ATL1: variants seen among roughly 807,000 people sequenced by gnomAD.
ATL1 encodes the protein atlastin-1.
A neutral mutation model predicts 75.5 loss-of-function variants in ATL1; 31 were observed. The observed-to-expected ratio is 0.41, with a 90% CI of 0.31 to 0.55. The LOEUF is 0.55. ATL1 is among the 20% of genes least tolerant of loss of function. The pLI is 0.27. For synonymous variants in ATL1, 226 were observed against 233.3 expected (o/e 0.97, Z 0.28); for missense variants, 405 against 662.6 (o/e 0.61, Z 4.27).
chr14:50,628,374 T>C lies in ATL1; in HGVS notation c.1463T>C (p.Leu488Pro). The C allele has an allele frequency of 6.2e-7, 1 of 1,614,174 alleles. No homozygotes were observed. Among genetic ancestry groups the C allele is most frequent in the Non-Finnish European group, 8.5e-7 (1 of 1,180,016 alleles). ...NMIMGLTLIT[L>P]CTWAYIRYSG... is the part of the protein sequence containing the mutation. The stretch of plus-strand genomic sequence containing the variant: ...ATAATGGGACTGACCCTTATCACCC[T>C]GTGCACTTGGGCATATATCCGGTAC... Residue 488 changes from leucine (L) to proline (P), a missense_variant, in exon 12 of 14, where the codon CTG (leucine) becomes CCG (proline). Physicochemically the swap from Leu to Pro is moderately conservative, Grantham distance 98 (BLOSUM62 -3). Around this residue, in one of 5 missense-constraint regions of ATL1, gnomAD observed 163 missense variants for 244.1 expected, o/e 0.67. Transcript: ENST00000358385.
chr14:50,558,676 C>T (rs998988113), upstream of ATL1, among the ~76,000 whole-genome samples: 1 of 152,048 alleles, frequency 6.6e-6, no homozygotes, highest in Non-Finnish European at 1.5e-5. Context: ...CTATTGTACT[C>T]TTAAAAATGG....
At chr14:50,536,053 C>T (rs1025630699) in intron 1 of ATL1, among the ~76,000 whole-genome samples, 1 of 152,230 alleles carries the variant, frequency 6.6e-6, no homozygotes, top group African/African-American at 2.4e-5. Flanking sequence ...TGTGAGGCTT[C>T]GCAGCCACAT....
intron 7 of ATL1, among the ~76,000 whole-genome samples, chr14:50,613,589 T>G (rs183818889): frequency 1.3e-4 from 20 of 152,352 alleles, no homozygotes; most frequent in Admixed American, 3.9e-4. Context: ...AATATCAAGA[T>G]TCAGGTTTTA....
At chr14:50,629,902 C>T (rs796952643) in intron 12 of ATL1, 93 bp from the exon 13 acceptor site, 1 of 956,294 alleles carries the variant, frequency 1.0e-6, no homozygotes, top group Non-Finnish European at 1.6e-6. Flanking sequence ...GAAATGCTCA[C>T]AAATTAATAT....
intron 1 of ATL1, among the ~76,000 whole-genome samples, chr14:50,542,850 A>G (rs957155042): frequency 6.6e-6 from 1 of 152,228 alleles, no homozygotes; most frequent in Non-Finnish European, 1.5e-5. Flanking sequence ...ATAACTTTGA[A>G]CAATACATCT....
At chr14:50,587,251 C>G (rs984350681) in intron 1 of ATL1, among the ~76,000 whole-genome samples, 5 of 152,150 alleles carry the variant, frequency 3.3e-5, no homozygotes, top group African/African-American at 1.2e-4. Context: ...TTCTTTCTGA[C>G]TCAGCAGACA....
In ATL1 at chr14:50,620,581, A is replaced by T; in HGVS notation, c.863-18A>T. ...GGAAGGATTCCAAAAATAATAATGG[A>T]TTTGCTTTTACTTGTAGAAATAGAT... On this transcript the variant is annotated intron_variant, in intron 8 of 13. Coordinates refer to ENST00000358385, the MANE Select transcript of ATL1 (RefSeq NM_015915.5). 1 of 1,608,966 alleles carries T rather than the reference A, an allele frequency of 6.2e-7. No homozygotes were observed. The highest frequency in any genetic ancestry group is 1.1e-5 in the South Asian group (1 of 90,922).
intron 6 of ATL1, among the ~76,000 whole-genome samples, chr14:50,599,192 T>C (rs773400656): frequency 6.6e-6 from 1 of 152,176 alleles, no homozygotes; most frequent in African/African-American, 2.4e-5. Flanking sequence ...AAAAGATTAC[T>C]AAGCAGAACA....
chr14:50,571,501 C>G (rs1013584445), intron 1 of ATL1, among the ~76,000 whole-genome samples: 1 of 152,180 alleles, frequency 6.6e-6, no homozygotes, highest in African/African-American at 2.4e-5. Context: ...TCAGATTTCT[C>G]CTTTATTCAT....
intron 5 of ATL1, among the ~76,000 whole-genome samples, chr14:50,595,372 T>A (rs1161858378): frequency 6.6e-6 from 1 of 152,212 alleles, no homozygotes; most frequent in Non-Finnish European, 1.5e-5. Context: ...TTCTTAAATA[T>A]CTAATTGCCA....
chr14:50,613,699 G>A (rs1249069913), intron 7 of ATL1, among the ~76,000 whole-genome samples: 1 of 152,120 alleles, frequency 6.6e-6, no homozygotes, highest in Admixed American at 6.6e-5. Context: ...TCCACTTTCT[G>A]TGTCGTGCTG....
intron 13 of ATL1, chr14:50,631,055 T>TC: frequency 2.5e-6 from 1 of 396,962 alleles, no homozygotes. Context: ...GGTCAGGAGT[T>TC]CGAGACCAGC....
intron 11 of ATL1, among the ~76,000 whole-genome samples, chr14:50,624,781 A>C (rs8011264): frequency 6.6e-6 from 1 of 151,866 alleles, no homozygotes; most frequent in Admixed American, 6.6e-5. Flanking sequence ...TTAAAAATGC[A>C]ACTCCAGGCT....
intron 13 of ATL1, among the ~76,000 whole-genome samples, chr14:50,631,264 A>AG (rs1400520452): frequency 7.2e-6 from 1 of 139,432 alleles, no homozygotes; most frequent in African/African-American, 3.1e-5. Context: ...CAACTCAAAA[A>AG]GTAAAAAACA....
intron 1 of ATL1, among the ~76,000 whole-genome samples, chr14:50,566,796 CATT>C (rs1566716322): frequency 6.6e-6 from 1 of 152,112 alleles, no homozygotes; most frequent in Non-Finnish European, 1.5e-5. Context: ...AATAAACAGA[CATT>C]ATGTATTTAA....
At chr14:50,612,963 T>C (rs2039380224) in intron 6 of ATL1, among the ~76,000 whole-genome samples, 1 of 152,168 alleles carries the variant, frequency 6.6e-6, no homozygotes, top group East Asian at 1.9e-4. Flanking sequence ...AATCTGATTA[T>C]AGTGACATAG....
chr14:50,574,931 GTGTGTGTATATA>G (rs1159128245), intron 1 of ATL1, among the ~76,000 whole-genome samples: 349 of 78,670 alleles, frequency 4.4e-3, no homozygotes, highest in South Asian at 9.4e-3. Context: ...GTGTGTGTGT[GTGTGTGTATATA>G]TATATATATA....
At chr14:50,626,075 G>A (rs1245914225) in intron 11 of ATL1, among the ~76,000 whole-genome samples, 1 of 152,158 alleles carries the variant, frequency 6.6e-6, no homozygotes, top group Non-Finnish European at 1.5e-5. Context: ...CTGCTCGTTG[G>A]CAATGACCTT....
At chr14:50,624,551 T>C (rs980944601) in intron 11 of ATL1, among the ~76,000 whole-genome samples, 2 of 151,976 alleles carry the variant, frequency 1.3e-5, no homozygotes, top group African/African-American at 4.8e-5. Flanking sequence ...TTCTTTTACC[T>C]GAGGCACAAC....
Sources: gnomAD v4.1 joint callset for allele counts (sites outside exome capture counted in the v4.1 genomes callset) on GRCh38, gnomAD v4.1.1 for gene constraint, gnomAD v4.1.1 regional missense constraint, MANE v1.5 for transcripts, NCBI Gene and HGNC (gene_info 2026-07-23, HGNC 2026-07-21) for gene names.